The following TET1 variants were observed in gnomAD, a reference collection of about 807,000 sequenced individuals.
TET1 encodes the protein methylcytosine dioxygenase TET1.
Under a neutral mutation model 148.7 loss-of-function variants are expected in TET1, and 13 were observed. The observed-to-expected ratio is 0.09, with a 90% CI of 0.06 to 0.14. The LOEUF (loss-of-function observed/expected upper bound fraction) is 0.14. Among genes scored for constraint, TET1 ranks in the 10% least tolerant of loss-of-function variants. TET1 has a pLI of 1.00. For missense variants in TET1, 2,182 were observed against 2,553.8 expected (o/e 0.85, Z 3.14); for synonymous variants, 907 against 937.2 (o/e 0.97, Z 0.59).
chr10:68,621,922 T>G (rs1160636026), intron 3 of TET1, among the ~76,000 whole-genome samples: 2 of 151,092 alleles, frequency 1.3e-5, no homozygotes, highest in Admixed American at 6.6e-5. Flanking sequence ...TATGTTTGTC[T>G]TTTTTTTATT....
intron 8 of TET1, among the ~76,000 whole-genome samples, chr10:68,676,596 G>A (rs557364524): frequency 4.0e-5 from 6 of 150,368 alleles, no homozygotes; most frequent in Non-Finnish European, 7.4e-5. Context: ...TTTTTTTTTC[G>A]TAGAGATGGG....
At position 68,681,386 on chromosome 10, in the gene TET1, T is replaced by C. The variant is rs2085058019; in HGVS notation, c.4825-13T>C. ...CGATTATAAAATACCTAATGGATTCTGTTTTCCTATAGGAAAAAAACCTTG... is the reference window on the plus strand; with the variant it reads ...CGATTATAAAATACCTAATGGATTCCGTTTTCCTATAGGAAAAAAACCTTG... On this transcript the variant is annotated splice_polypyrimidine_tract_variant and intron_variant, in intron 8 of 11. Transcript: ENST00000373644. The C allele has an allele frequency of 6.3e-7, 1 of 1,582,578 alleles. No homozygotes were observed. Among genetic ancestry groups the C allele is most frequent in the Admixed American group, 1.7e-5 (1 of 59,404 alleles).
chr10:68,562,715 G>A (rs1019680522), intron 1 of TET1, among the ~76,000 whole-genome samples: 1 of 151,946 alleles, frequency 6.6e-6, no homozygotes, highest in African/African-American at 2.4e-5. Flanking sequence ...CAGAATAGAT[G>A]GGTGGGAGGG....
At chr10:68,632,725 T>A (rs2054592871) in intron 3 of TET1, 2 of 1,608,020 alleles carry the variant, frequency 1.2e-6, no homozygotes, top group Non-Finnish European at 1.7e-6. Context: ...CAGCAGCAAT[T>A]GAACAATCTT....
intron 1 of TET1, among the ~76,000 whole-genome samples, chr10:68,563,543 A>T (rs2053576367): frequency 6.6e-6 from 1 of 152,240 alleles, no homozygotes; most frequent in African/African-American, 2.4e-5. Flanking sequence ...GAAGAATTGA[A>T]ATATGACTTT....
At chr10:68,608,895 T>G (rs1373947075) in intron 3 of TET1, among the ~76,000 whole-genome samples, 2 of 152,164 alleles carry the variant, frequency 1.3e-5, no homozygotes, top group African/African-American at 2.4e-5. Flanking sequence ...TCTCAAATGT[T>G]GCCCAGGGTG....
At chr10:68,678,456 A>T (rs1196313546) in intron 8 of TET1, among the ~76,000 whole-genome samples, 1 of 152,156 alleles carries the variant, frequency 6.6e-6, no homozygotes, top group Non-Finnish European at 1.5e-5. Context: ...TTAGATACAG[A>T]GTGTGAACAG....
intron 3 of TET1, among the ~76,000 whole-genome samples, chr10:68,613,623 A>G (rs2795876): frequency 0.22 from 32,705 of 152,054 alleles, 3,689 homozygotes; most frequent in South Asian, 0.32. Flanking sequence ...TAATAGAGCA[A>G]TGGGGAAGCA....
intron 1 of TET1, among the ~76,000 whole-genome samples, chr10:68,567,718 C>CTCCA (rs1455530604): frequency 1.3e-5 from 2 of 151,268 alleles, no homozygotes; most frequent in African/African-American, 4.9e-5. Flanking sequence ...TGCCATTGAA[C>CTCCA]TCCAGCCTGG....
chr10:68,594,035 C>T (rs561416286), intron 2 of TET1, among the ~76,000 whole-genome samples: 1 of 144,306 alleles, frequency 6.9e-6, no homozygotes, highest in Non-Finnish European at 1.5e-5. Flanking sequence ...AAGCGATTCT[C>T]CTGCCTCAGC....
chr10:68,564,717 T>C (rs1376431900), intron 1 of TET1, among the ~76,000 whole-genome samples: 3 of 152,176 alleles, frequency 2.0e-5, no homozygotes, highest in Admixed American at 1.3e-4. Flanking sequence ...CTTGAAGACA[T>C]TCCAGGTTAG....
chr10:68,658,959 G>T (rs1034074334), intron 6 of TET1, among the ~76,000 whole-genome samples: 5 of 152,202 alleles, frequency 3.3e-5, no homozygotes, highest in African/African-American at 1.2e-4. Context: ...CCAGCGTGGT[G>T]GCTCATGCCT....
chr10:68,587,939 C>T (rs746616899), intron 2 of TET1, among the ~76,000 whole-genome samples: 6 of 151,946 alleles, frequency 3.9e-5, no homozygotes, highest in Non-Finnish European at 7.4e-5. Context: ...AGTGCAGTGG[C>T]GCAACCTCTG....
rs184302441 is a variant in TET1, at chr10:68,672,747, A to C, written c.4674-148A>C. 47 of 537,946 alleles carry C rather than the reference A, an allele frequency of 8.7e-5. No homozygotes were observed. In the East Asian group the frequency reaches 1.5e-3, roughly 17 times the overall value. 33.3% of individuals were successfully genotyped at this position (537,946 alleles called of 1,614,324 possible). A position where few individuals can be genotyped will look rare whatever the true frequency, so the allele number is the denominator to read the frequency against. On this transcript the variant is annotated intron_variant, in intron 7 of 11. Coordinates refer to ENST00000373644, the MANE Select transcript of TET1 (RefSeq NM_030625.3). The stretch of plus-strand genomic sequence containing the variant: ...AAGTTAGCTTTTTATTGTTAACATT[A>C]AACTATTTTAAATAAGTAATATAAT...
At chr10:68,589,446 A>G (rs1224164922) in intron 2 of TET1, among the ~76,000 whole-genome samples, 5 of 152,106 alleles carry the variant, frequency 3.3e-5, no homozygotes, top group Non-Finnish European at 7.3e-5. Flanking sequence ...GCATATATCT[A>G]TATGTGTGTA....
chr10:68,692,131 A>C lies in TET1; in HGVS notation c.*317A>C, dbSNP rs1453932837. The C allele has an allele frequency of 1.6e-5, 5 of 318,244 alleles. No individual in the cohort carries two copies. The highest frequency in any genetic ancestry group is 1.7e-5 in the Non-Finnish European group (3 of 172,514). The allele number at this position is 318,244 out of a possible 1,614,324, so 19.7% of individuals were successfully genotyped here. On this transcript the variant is annotated 3_prime_UTR_variant, in exon 12 of 12. Transcript: ENST00000373644. Reference sequence around the variant, plus strand: ...AAATTAAGTCTGTTTACTATGAAACAAGAGTCATTTTTAGAGGATTTTAAC... The same window carrying C: ...AAATTAAGTCTGTTTACTATGAAACCAGAGTCATTTTTAGAGGATTTTAAC...
rs2055613787 is a variant in TET1, at chr10:68,693,047, G to A, written c.*1233G>A. On this transcript the variant is annotated 3_prime_UTR_variant, in exon 12 of 12. Transcript: ENST00000373644. Reference sequence around the variant, plus strand: ...CAAGAGGAATGGTACTACAAACATGGCTTTGTCCATTAAGAGCTAATTCAT... The same window carrying A: ...CAAGAGGAATGGTACTACAAACATGACTTTGTCCATTAAGAGCTAATTCAT... The A allele has an allele frequency of 4.4e-6, 1 of 229,566 alleles. No individual in the cohort carries two copies. Among genetic ancestry groups the A allele is most frequent in the East Asian group, 6.1e-5 (1 of 16,290 alleles). The allele number at this position is 229,566 out of a possible 1,614,324, so 14.2% of individuals were successfully genotyped here.
At chr10:68,596,047 CA>C (rs1320327915) in intron 2 of TET1, among the ~76,000 whole-genome samples, 4 of 94,454 alleles carry the variant, frequency 4.2e-5, no homozygotes, top group Non-Finnish European at 8.4e-5. Context: ...TATATATACA[CA>C]TTTTTTTTTT....
At chr10:68,593,947 A>C (rs552934879) in intron 2 of TET1, among the ~76,000 whole-genome samples, 5 of 26,662 alleles carry the variant, frequency 1.9e-4, no homozygotes, top group East Asian at 1.4e-3. Context: ...TTTTTTTGAG[A>C]CAGAGTCTCT....
Sources: allele counts gnomAD v4.1 joint callset (sites outside exome capture counted in the v4.1 genomes callset), GRCh38; gene constraint gnomAD v4.1.1; transcripts MANE v1.5; gene names NCBI Gene and HGNC (gene_info 2026-07-23, HGNC 2026-07-21).